AKT3: variants seen among roughly 807,000 people sequenced by gnomAD.
AKT3 encodes the protein AKT serine/threonine kinase 3.
In AKT3, 15 loss-of-function variants were observed where a neutral mutation model predicts 65.3. That is an observed-to-expected ratio of 0.23 (90% CI 0.15 to 0.35). The LOEUF (loss-of-function observed/expected upper bound fraction) is 0.35, where lower values mean the gene tolerates loss of function less well. Ranked by LOEUF, AKT3 falls within the 10% of genes least tolerant of loss-of-function variation. AKT3 has a pLI of 1.00. For synonymous variants in AKT3, 206 were observed against 183.8 expected (o/e 1.12, Z -0.98); for missense variants, 243 against 576.5 (o/e 0.42, Z 5.92).
At chr1:243,629,749 G>A (rs756783627) in intron 6 of AKT3, among the ~76,000 whole-genome samples, 2 of 151,924 alleles carry the variant, frequency 1.3e-5, no homozygotes, top group Non-Finnish European at 2.9e-5. Flanking sequence ...CCGAGATCGC[G>A]CCACTGCACT....
At chr1:243,748,803 C>T (rs1440102693) in intron 2 of AKT3, among the ~76,000 whole-genome samples, 2 of 152,040 alleles carry the variant, frequency 1.3e-5, no homozygotes, top group Non-Finnish European at 2.9e-5. Flanking sequence ...TAAAAATTGC[C>T]TGTTTATACA....
chr1:243,611,562 T>C (rs1452380270), intron 8 of AKT3, among the ~76,000 whole-genome samples: 2 of 151,966 alleles, frequency 1.3e-5, no homozygotes, highest in Non-Finnish European at 2.9e-5. Flanking sequence ...TGCATGCCTG[T>C]AGTCCCAGTT....
chr1:243,704,662 T>A (rs2148055038), intron 2 of AKT3, among the ~76,000 whole-genome samples: 1 of 152,292 alleles, frequency 6.6e-6, no homozygotes, highest in African/African-American at 2.4e-5. Flanking sequence ...TGCTGCTATG[T>A]TGATTCCAAG....
intron 2 of AKT3, among the ~76,000 whole-genome samples, chr1:243,770,377 A>G (rs1406405910): frequency 1.3e-5 from 2 of 152,180 alleles, no homozygotes; most frequent in African/African-American, 4.8e-5. Flanking sequence ...ACTAACTCAA[A>G]GAGAACAAAT....
chr1:243,513,926 T>G (rs1390121218), intron 12 of AKT3, among the ~76,000 whole-genome samples: 1 of 152,152 alleles, frequency 6.6e-6, no homozygotes, highest in East Asian at 1.9e-4. Flanking sequence ...CCTCTGACTC[T>G]CAGGCTAAAT....
At chr1:243,836,470 GAA>G (rs550274622) in intron 2 of AKT3, among the ~76,000 whole-genome samples, 1 of 135,564 alleles carries the variant, frequency 7.4e-6, no homozygotes, top group African/African-American at 2.7e-5. Context: ...AGAACTAGAG[GAA>G]AAAAAAAAAA....
At chr1:243,783,503 G>C (rs1306852241) in intron 2 of AKT3, among the ~76,000 whole-genome samples, 1 of 151,744 alleles carries the variant, frequency 6.6e-6, no homozygotes. Context: ...GGGTAAGTAG[G>C]GAAAAATGAG....
downstream of AKT3, among the ~76,000 whole-genome samples, chr1:243,496,730 T>A (rs1239345541): frequency 6.6e-6 from 1 of 152,240 alleles, no homozygotes; most frequent in African/African-American, 2.4e-5. Flanking sequence ...CCCCACAGTG[T>A]GGTTGCCTGG....
At chr1:243,685,968 A>G (rs369408435) in intron 3 of AKT3, among the ~76,000 whole-genome samples, 4 of 152,180 alleles carry the variant, frequency 2.6e-5, no homozygotes, top group South Asian at 2.1e-4. Context: ...ATAACAGACA[A>G]ACAGAGAGCC....
intron 2 of AKT3, among the ~76,000 whole-genome samples, chr1:243,710,618 C>T (rs1003748264): frequency 2.6e-5 from 4 of 152,120 alleles, no homozygotes; most frequent in East Asian, 1.9e-4. Flanking sequence ...TATTTACTAG[C>T]GTGGAATGCC....
At chr1:243,495,471 G>C (rs1272268452), downstream of AKT3, among the ~76,000 whole-genome samples, 1 of 152,222 alleles carries the variant, frequency 6.6e-6, no homozygotes, top group East Asian at 1.9e-4. Flanking sequence ...CAGGGGCCCA[G>C]CCGGGCAGCC....
At chr1:243,651,170 A>G (rs572746875) in intron 4 of AKT3, among the ~76,000 whole-genome samples, 5 of 152,226 alleles carry the variant, frequency 3.3e-5, no homozygotes, top group South Asian at 2.1e-4. Context: ...GCAATTGTGA[A>G]TGGGAGTTCA....
At position 243,602,525 on chromosome 1, in the gene AKT3, A is replaced by C. The variant is rs576509888; in HGVS notation, c.696+11146T>G. ...AAAATCACCCAGATCACACCTCCGTAAATTAGTAAGGAGAACTAGAATACT... is the reference window on the plus strand; with the variant it reads ...AAAATCACCCAGATCACACCTCCGTCAATTAGTAAGGAGAACTAGAATACT... On this transcript the variant is annotated intron_variant, in intron 8 of 13. Coordinates refer to ENST00000673466, the MANE Select transcript of AKT3 (RefSeq NM_005465.7). Among the ~76,000 whole-genome samples the C allele has an allele frequency of 5.9e-5, 9 of 152,304 alleles. No individual in the cohort carries two copies. In the South Asian group the frequency reaches 1.9e-3, roughly 32 times the overall value.
intron 13 of AKT3, among the ~76,000 whole-genome samples, chr1:243,511,823 C>A (rs79286799): frequency 0.016 from 2,484 of 152,142 alleles, 57 homozygotes; most frequent in African/African-American, 0.057. Flanking sequence ...TTATAGGTAT[C>A]CAAAAGTATT....
At chr1:243,642,129 T>A (rs932925593) in intron 5 of AKT3, among the ~76,000 whole-genome samples, 3 of 152,190 alleles carry the variant, frequency 2.0e-5, no homozygotes, top group Non-Finnish European at 4.4e-5. Context: ...CAGAAACAGA[T>A]TTCCCATCTA....
intron 2 of AKT3, among the ~76,000 whole-genome samples, chr1:243,728,291 A>T (rs114914578): frequency 0.013 from 1,940 of 152,226 alleles, 38 homozygotes; most frequent in African/African-American, 0.044. Context: ...CTCAACCTCA[A>T]CCAAACTTTG....
chr1:243,719,387 C>CCACACCAAGTCTTCCTCCAACTGGAGTCA (rs1423605774), intron 2 of AKT3, among the ~76,000 whole-genome samples: 1 of 152,192 alleles, frequency 6.6e-6, no homozygotes, highest in Non-Finnish European at 1.5e-5. Flanking sequence ...TCATCGAGTT[C>CCACACCAAGTCTTCCTCCAACTGGAGTCA]CACACCAAGT....
intron 2 of AKT3, among the ~76,000 whole-genome samples, chr1:243,759,683 A>C (rs921319864): frequency 5.3e-5 from 8 of 152,334 alleles, no homozygotes; most frequent in African/African-American, 1.9e-4. Flanking sequence ...CTTAAATGAG[A>C]ACAGTTATTT....
At chr1:243,755,295 G>C (rs1035269911) in intron 2 of AKT3, among the ~76,000 whole-genome samples, 1 of 149,050 alleles carries the variant, frequency 6.7e-6, no homozygotes, top group Non-Finnish European at 1.5e-5. Flanking sequence ...GGGTGGTCTC[G>C]AACTCCTGAG....
Sources: allele counts gnomAD v4.1 joint callset (sites outside exome capture counted in the v4.1 genomes callset), GRCh38; gene constraint gnomAD v4.1.1; transcripts MANE v1.5; gene names NCBI Gene and HGNC (gene_info 2026-07-23, HGNC 2026-07-21).